Variants in HS6ST3 observed in about 807,000 individuals in gnomAD.
The protein encoded by HS6ST3 is heparan-sulfate 6-O-sulfotransferase 3.
In HS6ST3, 12 loss-of-function variants were observed where a neutral mutation model predicts 36.7. The ratio of observed to expected loss-of-function variants is 0.33; its 90% CI spans 0.21 to 0.53. HS6ST3 has a LOEUF of 0.53. Ranked by LOEUF, HS6ST3 falls within the 20% of genes least tolerant of loss-of-function variation. The pLI is 0.95. For synonymous variants in HS6ST3, 240 were observed against 257.5 expected (o/e 0.93, Z 0.65); for missense variants, 584 against 640.9 (o/e 0.91, Z 0.96).
intron 1 of HS6ST3, among the ~76,000 whole-genome samples, chr13:96,778,270 A>C (rs1877441174): frequency 6.6e-6 from 1 of 152,226 alleles, no homozygotes; most frequent in Admixed American, 6.5e-5. Context: ...CTGGACAAAG[A>C]CTTCATGATT....
intron 1 of HS6ST3, among the ~76,000 whole-genome samples, chr13:96,306,079 G>A (rs1181831855): frequency 2.7e-5 from 4 of 147,720 alleles, no homozygotes; most frequent in Non-Finnish European, 4.5e-5. Context: ...TTACAGATGC[G>A]CACCACCATG....
chr13:96,208,746 T>C (rs967892863), intron 1 of HS6ST3, among the ~76,000 whole-genome samples: 1 of 152,208 alleles, frequency 6.6e-6, no homozygotes, highest in Non-Finnish European at 1.5e-5. Flanking sequence ...TCCTCTTCTT[T>C]GATATTATTT....
intron 1 of HS6ST3, among the ~76,000 whole-genome samples, chr13:96,489,636 G>A (rs2138904612): frequency 6.6e-6 from 1 of 152,094 alleles, no homozygotes. Context: ...AGGCGAGGCT[G>A]TAAATGGTAA....
chr13:96,423,236 C>G (rs1203853185), intron 1 of HS6ST3, among the ~76,000 whole-genome samples: 1 of 152,138 alleles, frequency 6.6e-6, no homozygotes, highest in Non-Finnish European at 1.5e-5. Flanking sequence ...CATTCATGAG[C>G]TTTCACTCAG....
chr13:96,706,566 G>T (rs1020898651), intron 1 of HS6ST3, among the ~76,000 whole-genome samples: 2 of 151,394 alleles, frequency 1.3e-5, no homozygotes, highest in African/African-American at 4.9e-5. Flanking sequence ...TGAAGACCGT[G>T]GGTCGTTTTA....
At chr13:96,292,043 G>A (rs2054832423) in intron 1 of HS6ST3, among the ~76,000 whole-genome samples, 1 of 151,966 alleles carries the variant, frequency 6.6e-6, no homozygotes, top group African/African-American at 2.4e-5. Flanking sequence ...CTTATGAGAT[G>A]GTAAATAGCT....
intron 1 of HS6ST3, among the ~76,000 whole-genome samples, chr13:96,704,659 G>T (rs760810083): frequency 6.6e-6 from 1 of 152,152 alleles, no homozygotes; most frequent in Non-Finnish European, 1.5e-5. Context: ...ATCTCATGGG[G>T]CTTAGCAGAG....
chr13:96,480,992 T>C (rs2138897893), intron 1 of HS6ST3, among the ~76,000 whole-genome samples: 1 of 152,380 alleles, frequency 6.6e-6, no homozygotes, highest in East Asian at 1.9e-4. Context: ...TGGTAAATCA[T>C]AATGATTGAT....
rs183868029 is a variant in HS6ST3 at position 96,486,133 on chromosome 13, C to T, written c.708-346357C>T. 2.6e-3 allele frequency among the ~76,000 whole-genome samples: 385 copies of T among 150,338 alleles called. 14 individuals carry two copies. In the East Asian group the frequency reaches 0.054, roughly 21 times the overall value. ...TGCGGTGTTTGGTTTTTTGTCCTTT[C>T]GATAGTTTGCTGAGAATGATGGTTT... is the stretch of plus-strand genomic sequence containing the variant. On this transcript the variant is annotated intron_variant, in intron 1 of 1. Transcript: ENST00000376705.
chr13:96,623,679 T>G (rs2056502803), intron 1 of HS6ST3, among the ~76,000 whole-genome samples: 1 of 152,104 alleles, frequency 6.6e-6, no homozygotes, highest in Non-Finnish European at 1.5e-5. Context: ...ACTAAATGAT[T>G]GGGAAAAGCT....
chr13:96,345,972 T>G (rs115939030), intron 1 of HS6ST3, among the ~76,000 whole-genome samples: 1,704 of 152,304 alleles, frequency 0.011, 31 homozygotes, highest in African/African-American at 0.039. Context: ...TTGCATTAGA[T>G]TCTCATAAGG....
intron 1 of HS6ST3, among the ~76,000 whole-genome samples, chr13:96,305,569 G>A (rs2054907960): frequency 6.6e-6 from 1 of 152,030 alleles, no homozygotes; most frequent in Admixed American, 6.6e-5. Context: ...TGAAAATAAT[G>A]TACATTTTTT....
intron 1 of HS6ST3, among the ~76,000 whole-genome samples, chr13:96,593,311 G>A (rs185608417): frequency 1.4e-5 from 2 of 146,950 alleles, no homozygotes; most frequent in East Asian, 2.1e-4. Context: ...AGCCTCCCGA[G>A]TACCTGGGAT....
intron 1 of HS6ST3, among the ~76,000 whole-genome samples, chr13:96,138,833 A>G (rs1246422090): frequency 6.6e-6 from 1 of 152,174 alleles, no homozygotes; most frequent in African/African-American, 2.4e-5. Context: ...AATTATAAGT[A>G]CAGACTGATT....
At chr13:96,223,275 T>C (rs2054464500) in intron 1 of HS6ST3, among the ~76,000 whole-genome samples, 1 of 152,172 alleles carries the variant, frequency 6.6e-6, no homozygotes, top group Non-Finnish European at 1.5e-5. Context: ...TATTCTGCAA[T>C]ACGAAACATG....
chr13:96,709,146 T>G (rs1566435274), intron 1 of HS6ST3, among the ~76,000 whole-genome samples: 1 of 152,186 alleles, frequency 6.6e-6, no homozygotes, highest in Non-Finnish European at 1.5e-5. Context: ...GTTTTATAAG[T>G]GGCTCTTCTC....
chr13:96,182,850 A>G (rs536592477), intron 1 of HS6ST3, among the ~76,000 whole-genome samples: 2 of 152,348 alleles, frequency 1.3e-5, no homozygotes, highest in African/African-American at 2.4e-5. Context: ...GAAATAAAAT[A>G]TCAGAAAAAT....
intron 1 of HS6ST3, among the ~76,000 whole-genome samples, chr13:96,122,627 AG>A (rs1412153982): frequency 1.3e-5 from 2 of 152,156 alleles, no homozygotes; most frequent in African/African-American, 4.8e-5. Context: ...ATGAAAATCA[AG>A]GGGGAGAAGA....
chr13:96,170,711 A>G (rs912706928), intron 1 of HS6ST3, among the ~76,000 whole-genome samples: 14 of 152,248 alleles, frequency 9.2e-5, no homozygotes, highest in African/African-American at 3.4e-4. Context: ...GGAGATGAGA[A>G]AACAGTGAAC....
Sources: allele counts gnomAD v4.1 joint callset (sites outside exome capture counted in the v4.1 genomes callset), GRCh38; gene constraint gnomAD v4.1.1; transcripts MANE v1.5; gene names NCBI Gene and HGNC (gene_info 2026-07-23, HGNC 2026-07-21).